The following RIC1 variants were observed in gnomAD, a reference collection of about 807,000 sequenced individuals.
The protein encoded by RIC1 is guanine nucleotide exchange factor subunit RIC1.
Under a neutral mutation model 169.0 loss-of-function variants are expected in RIC1, and 88 were observed. That is an observed-to-expected ratio of 0.52 (90% CI 0.44 to 0.62). The LOEUF (loss-of-function observed/expected upper bound fraction) is 0.62. Among genes scored for constraint, RIC1 ranks in the 20% least tolerant of loss-of-function variants. The pLI, the probability that RIC1 is intolerant of heterozygous loss-of-function variation, is 0.00. For synonymous variants in RIC1, 790 were observed against 601.5 expected, an observed-to-expected ratio of 1.31 and a Z score of -4.59; for missense variants, 1,877 against 1,725.5, an observed-to-expected ratio of 1.09 and a Z score of -1.56.
Position 5,774,220 on chromosome 9 carries a change from G to T in RIC1, c.4246G>T (p.Gly1416Trp). 6.2e-7 allele frequency: 1 copy of T among 1,612,346 alleles called. No individual in the cohort carries two copies. The highest frequency in any genetic ancestry group is 8.5e-7 in the Non-Finnish European group (1 of 1,179,046). ...AGAGGAGGAAGAACCTTTTCAGGAT[G>T]GGACTTACGACTGTTCTGTGTCCTA... ...QAEEEEPFQD[G>W]TYDCSVS Residue 1416 changes from glycine (G) to tryptophan (W), a missense_variant, in exon 26 of 26, where the codon GGG becomes TGG. Transcript: ENST00000414202.
At chr9:5,723,610 GT>G in intron 6 of RIC1, among the ~76,000 whole-genome samples, 1 of 152,278 alleles carries the variant, frequency 6.6e-6, no homozygotes, top group Non-Finnish European at 1.5e-5. Context: ...TGCTTTTGGT[GT>G]TTTAGTCATG....
intron 1 of RIC1, among the ~76,000 whole-genome samples, chr9:5,646,709 A>G (rs766306963): frequency 1.1e-4 from 16 of 152,162 alleles, no homozygotes; most frequent in Admixed American, 2.6e-4. Context: ...CTTGGAACTT[A>G]TCCCCTCTTG....
intron 12 of RIC1, among the ~76,000 whole-genome samples, chr9:5,751,681 G>A (rs1270279272): frequency 1.3e-5 from 2 of 152,128 alleles, no homozygotes; most frequent in African/African-American, 2.4e-5. Flanking sequence ...AATTTATTAA[G>A]CTATTGATTT....
intron 6 of RIC1, among the ~76,000 whole-genome samples, chr9:5,731,182 C>T (rs1470927180): frequency 1.3e-5 from 2 of 151,968 alleles, no homozygotes; most frequent in Non-Finnish European, 2.9e-5. Context: ...AGCAAGCATA[C>T]AAGTAGAGAT....
At chr9:5,710,767 A>G (rs188915313) in intron 3 of RIC1, among the ~76,000 whole-genome samples, 1 of 152,338 alleles carries the variant, frequency 6.6e-6, no homozygotes, top group Admixed American at 6.5e-5. Context: ...GGATGGTTTA[A>G]GAAAACGGGG....
intron 2 of RIC1, among the ~76,000 whole-genome samples, chr9:5,665,034 G>A (rs964649888): frequency 1.3e-5 from 2 of 152,154 alleles, no homozygotes; most frequent in African/African-American, 2.4e-5. Flanking sequence ...CACTATTATT[G>A]TGTGGGAGTT....
intron 1 of RIC1, among the ~76,000 whole-genome samples, chr9:5,633,696 A>C (rs1299001576): frequency 1.3e-5 from 2 of 152,234 alleles, no homozygotes; most frequent in Non-Finnish European, 2.9e-5. Context: ...CAGATCCACC[A>C]TCTCACACAG....
At chr9:5,688,901 A>C (rs999986953) in intron 2 of RIC1, among the ~76,000 whole-genome samples, 1 of 152,162 alleles carries the variant, frequency 6.6e-6, no homozygotes, top group Non-Finnish European at 1.5e-5. Flanking sequence ...GTTAGGCGTA[A>C]AAATGTTTGG....
intron 2 of RIC1, among the ~76,000 whole-genome samples, chr9:5,656,944 C>G (rs529240134): frequency 6.6e-6 from 1 of 152,258 alleles, no homozygotes; most frequent in South Asian, 2.1e-4. Context: ...TTGTTGTTCT[C>G]ACTTTACTGT....
chr9:5,704,629 C>G (rs1043071802), intron 3 of RIC1, among the ~76,000 whole-genome samples: 1 of 152,040 alleles, frequency 6.6e-6, no homozygotes, highest in African/African-American at 2.4e-5. Flanking sequence ...ATTGTCTGGG[C>G]TTTTCACTTT....
At chr9:5,725,121 C>G (rs1439652692) in intron 6 of RIC1, among the ~76,000 whole-genome samples, 1 of 152,122 alleles carries the variant, frequency 6.6e-6, no homozygotes, top group Non-Finnish European at 1.5e-5. Flanking sequence ...GGAATAGTTT[C>G]AGAAGGAATG....
chr9:5,733,979 T>G (rs907138297), intron 7 of RIC1, among the ~76,000 whole-genome samples: 12 of 149,688 alleles, frequency 8.0e-5, no homozygotes, highest in East Asian at 7.7e-4. Flanking sequence ...TATTGTGGAT[T>G]TTTTTGGACT....
intron 6 of RIC1, among the ~76,000 whole-genome samples, chr9:5,728,576 G>C (rs1824153308): frequency 6.6e-6 from 1 of 152,172 alleles, no homozygotes; most frequent in Non-Finnish European, 1.5e-5. Context: ...GATGAACCTG[G>C]TACTTCAGTT....
chr9:5,713,807 T>C, intron 3 of RIC1, 89 bp from the exon 4 acceptor site: 1 of 759,760 alleles, frequency 1.3e-6, no homozygotes, highest in Non-Finnish European at 2.2e-6. Context: ...TAAGTTTTAT[T>C]TCATTTACTT....
rs574787984 is a variant in RIC1, at chr9:5,679,387, G to T, written c.253-10572G>T. On this transcript the variant is annotated intron_variant, in intron 2 of 25. Transcript: ENST00000414202. ...TCCAATTCTGTGAAGAAAGTCATTG[G>T]TAGCTTGATGGGGATGGCATTGAAT... Among the ~76,000 whole-genome samples the T allele has an allele frequency of 4.6e-5, 7 of 152,252 alleles. No homozygotes were observed. The South Asian group carries it at 1.2e-3, about 27-fold the overall frequency.
intron 2 of RIC1, among the ~76,000 whole-genome samples, chr9:5,677,819 A>G (rs1254669507): frequency 4.6e-5 from 7 of 151,660 alleles, no homozygotes; most frequent in Non-Finnish European, 8.8e-5. Flanking sequence ...CTGAACAAAC[A>G]TTTTTCTCAC....
At chr9:5,650,230 C>T (rs1818727505) in intron 1 of RIC1, among the ~76,000 whole-genome samples, 1 of 152,046 alleles carries the variant, frequency 6.6e-6, no homozygotes, top group Non-Finnish European at 1.5e-5. Context: ...GATCCCTGGG[C>T]AGTGCATGTG....
intron 2 of RIC1, among the ~76,000 whole-genome samples, chr9:5,679,721 C>T (rs1450550383): frequency 6.6e-6 from 1 of 152,192 alleles, no homozygotes; most frequent in African/African-American, 2.4e-5. Flanking sequence ...AGTTGCTTAT[C>T]AGCTTAAGGA....
rs1037441955 is a variant in RIC1 at position 5,774,544 on chromosome 9, T to C, written c.*298T>C. 2.6e-4 allele frequency: 57 copies of C among 221,764 alleles called. No individual in the cohort carries two copies. Among genetic ancestry groups the C allele is most frequent in the African/African-American group, 1.0e-3 (46 of 44,270 alleles). The allele number at this position is 221,764 out of a possible 1,614,324, so 13.7% of individuals were successfully genotyped here. A position where few individuals can be genotyped will look rare whatever the true frequency, so the allele number is the denominator to read the frequency against. ...TTGGTAGCTCTTAAACCACAGGAAT[T>C]GTTTTGCCCCAGGTGAGCTTACTTT... On this transcript the variant is annotated 3_prime_UTR_variant, in exon 26 of 26. Transcript: ENST00000414202.
Sources: gnomAD v4.1 joint callset for allele counts (sites outside exome capture counted in the v4.1 genomes callset) on GRCh38, gnomAD v4.1.1 for gene constraint, MANE v1.5 for transcripts, NCBI Gene and HGNC (gene_info 2026-07-23, HGNC 2026-07-21) for gene names.